DPM1: variants seen among roughly 807,000 people sequenced by gnomAD.
DPM1 encodes dolichol-phosphate mannosyltransferase subunit 1.
A neutral mutation model predicts 39.0 loss-of-function variants in DPM1; 27 were observed. That is an observed-to-expected ratio of 0.69 (90% CI 0.51 to 0.95). The LOEUF is 0.95. Among genes scored for constraint, DPM1 ranks in the 40% least tolerant of loss-of-function variants. DPM1 has a pLI of 0.00. For synonymous variants in DPM1, 124 were observed against 109.0 expected (o/e 1.14, Z -0.86); for missense variants, 307 against 315.6 (o/e 0.97, Z 0.21).
chr20:50,954,544 G>A (rs985679329), intron 2 of DPM1, among the ~76,000 whole-genome samples: 3 of 151,990 alleles, frequency 2.0e-5, no homozygotes, highest in Admixed American at 1.3e-4. Flanking sequence ...AATACAAACC[G>A]GTAACCAAAA....
At chr20:50,954,383 G>A (rs889546421) in intron 2 of DPM1, among the ~76,000 whole-genome samples, 3 of 151,914 alleles carry the variant, frequency 2.0e-5, no homozygotes, top group Non-Finnish European at 2.9e-5. Flanking sequence ...GTCCAGATGC[G>A]GTGCTGAACA....
At chr20:50,957,861 T>C (rs1354100423) in intron 1 of DPM1, among the ~76,000 whole-genome samples, 1 of 152,100 alleles carries the variant, frequency 6.6e-6, no homozygotes, top group Non-Finnish European at 1.5e-5. Flanking sequence ...CATCCACCAG[T>C]GATCAGCGAA....
chr20:50,950,826 A>G (rs1986535211), intron 2 of DPM1, among the ~76,000 whole-genome samples: 1 of 152,146 alleles, frequency 6.6e-6, no homozygotes, highest in South Asian at 2.1e-4. Context: ...CTGAGATCAC[A>G]CCACAGCACT....
chr20:50,941,576 T>G (rs1012670695), intron 6 of DPM1, among the ~76,000 whole-genome samples: 2 of 151,628 alleles, frequency 1.3e-5, no homozygotes, highest in African/African-American at 4.9e-5. Context: ...GGCATGGTGG[T>G]GCAGGTCCAC....
chr20:50,941,164 T>C, intron 6 of DPM1: 1 of 547,504 alleles, frequency 1.8e-6, no homozygotes, highest in South Asian at 2.3e-5. Flanking sequence ...CTGGATCACT[T>C]GAGCCCAGGA....
chr20:50,938,044 C>T (rs1299648512), intron 7 of DPM1, among the ~76,000 whole-genome samples: 1 of 152,030 alleles, frequency 6.6e-6, no homozygotes, highest in African/African-American at 2.4e-5. Context: ...TGCTTTATTC[C>T]CCTTAAGAAT....
At chr20:50,952,177 A>G (rs1223857627) in intron 2 of DPM1, among the ~76,000 whole-genome samples, 3 of 152,226 alleles carry the variant, frequency 2.0e-5, no homozygotes, top group Non-Finnish European at 4.4e-5. Flanking sequence ...GTGGATTCAC[A>G]TAAAGTGCTT....
At chr20:50,942,886 C>T (rs1277684545) in intron 5 of DPM1, among the ~76,000 whole-genome samples, 2 of 152,048 alleles carry the variant, frequency 1.3e-5, no homozygotes, top group African/African-American at 4.8e-5. Context: ...GTTAACAATA[C>T]ATATCATGGG....
chr20:50,956,863 G>T (rs1568775559), intron 1 of DPM1, among the ~76,000 whole-genome samples: 1 of 152,198 alleles, frequency 6.6e-6, no homozygotes, highest in Non-Finnish European at 1.5e-5. Flanking sequence ...TGAGGGTGAG[G>T]CAGCTCAAAG....
intron 3 of DPM1, among the ~76,000 whole-genome samples, chr20:50,947,470 T>C (rs116747043): frequency 0.031 from 4,665 of 152,292 alleles, 249 homozygotes; most frequent in African/African-American, 0.11. Flanking sequence ...CTGAGAACAT[T>C]TGATGCTTGG....
chr20:50,951,636 A>G (rs1184905852), intron 2 of DPM1, among the ~76,000 whole-genome samples: 1 of 152,100 alleles, frequency 6.6e-6, no homozygotes, highest in African/African-American at 2.4e-5. Context: ...TAAAAATACT[A>G]AAATTAGCCA....
At chr20:50,945,967 T>G in intron 3 of DPM1, 44 bp from the exon 4 acceptor site, 1 of 1,517,414 alleles carries the variant, frequency 6.6e-7, no homozygotes. Context: ...AACAGAAATC[T>G]TTACATATAC....
intron 1 of DPM1, 77 bp downstream of exon 1, chr20:50,958,286 G>A (rs1006258170): frequency 6.3e-7 from 1 of 1,576,272 alleles, no homozygotes; most frequent in Admixed American, 1.7e-5. Flanking sequence ...GGGCCGCTTC[G>A]CGCAGCCAGC....
intron 8 of DPM1, among the ~76,000 whole-genome samples, chr20:50,935,540 A>G (rs1238600765): frequency 6.6e-6 from 1 of 152,234 alleles, no homozygotes; most frequent in Non-Finnish European, 1.5e-5. Context: ...TTATACTCCA[A>G]AAGTAAAATG....
chr20:50,935,375 T>TATG, intron 8 of DPM1, 139 bp from the exon 9 acceptor site: 1 of 647,202 alleles, frequency 1.5e-6, no homozygotes, highest in East Asian at 2.7e-5. Flanking sequence ...ATTAGGGGAT[T>TATG]ATGAAAGCAA....
chr20:50,945,284 TTGTGTGTGTGTG>T (rs11474633), intron 5 of DPM1: 7,686 of 157,044 alleles, frequency 0.049, 412 homozygotes, highest in African/African-American at 0.14. Context: ...CAAATGTGTG[TTGTGTGTGTGTG>T]TGTGTGTGTG....
chr20:50,942,220 G>A (rs113140325), intron 5 of DPM1, 94 bp from the exon 6 acceptor site: 15 of 1,150,392 alleles, frequency 1.3e-5, no homozygotes, highest in Admixed American at 1.2e-4. Flanking sequence ...AAGAGAAGTC[G>A]ACACAGGCTG....
At chr20:50,952,934 A>T (rs1258333840) in intron 2 of DPM1, among the ~76,000 whole-genome samples, 1 of 152,220 alleles carries the variant, frequency 6.6e-6, no homozygotes, top group Non-Finnish European at 1.5e-5. Context: ...CAGAGAGCAG[A>T]TCTTAACTGT....
chr20:50,945,859 A>G lies in DPM1; in HGVS notation c.360T>C (p.Asp120=), dbSNP rs1245265158. 1 of 1,613,588 alleles carries G rather than the reference A, an allele frequency of 6.2e-7. No homozygotes were observed. The highest frequency in any genetic ancestry group is 8.5e-7 in the Non-Finnish European group (1 of 1,179,650). Residue 120 remains aspartate, a synonymous_variant, in exon 4 of 9, where the codon GAT becomes GAC. Transcript: ENST00000371588. ...TGNYIIIMDA[D]LSHHPKFIPE... ...ACATACCACTTACATGGTGTGAGAG[A>G]TCAGCATCCATAATAATGATGTAGT...
Sources: gnomAD v4.1 joint callset for allele counts (sites outside exome capture counted in the v4.1 genomes callset) on GRCh38, gnomAD v4.1.1 for gene constraint, MANE v1.5 for transcripts, NCBI Gene and HGNC (gene_info 2026-07-23, HGNC 2026-07-21) for gene names.